Variants in SUPT3H observed in about 807,000 individuals in gnomAD.
SUPT3H encodes the protein SPT3 homolog, SAGA and STAGA complex component.
In SUPT3H, 44 loss-of-function variants were observed where a neutral mutation model predicts 44.3. The ratio of observed to expected loss-of-function variants is 0.99; its 90% confidence interval spans 0.78 to 1.28. The LOEUF (loss-of-function observed/expected upper bound fraction) is 1.28, where lower values mean the gene tolerates loss of function less well. SUPT3H is among the 50% of genes most tolerant of loss of function. The probability of loss-of-function intolerance (pLI) is 0.00; values close to 1 mark genes in which losing one functional copy is unlikely to be tolerated. For missense variants in SUPT3H, 380 were observed against 387.1 expected (o/e 0.98, Z 0.15); for synonymous variants, 124 against 125.6 (o/e 0.99, Z 0.09).
chr6:44,981,460 C>T (rs1391253464), intron 6 of SUPT3H, among the ~76,000 whole-genome samples: 2 of 152,198 alleles, frequency 1.3e-5, no homozygotes, highest in Non-Finnish European at 2.9e-5. Flanking sequence ...AATCCCAATA[C>T]ATTCTGTATA....
At chr6:45,128,551 TATATATACACACACAC>T (rs1369217152) in intron 2 of SUPT3H, among the ~76,000 whole-genome samples, 1 of 68,106 alleles carries the variant, frequency 1.5e-5, no homozygotes, top group East Asian at 3.5e-4. Flanking sequence ...TATATATATA[TATATATACACACACAC>T]ACACACACAC....
chr6:44,819,144 T>C (rs891356311), intron 11 of SUPT3H, among the ~76,000 whole-genome samples: 7 of 152,116 alleles, frequency 4.6e-5, no homozygotes, highest in Non-Finnish European at 1.5e-5. Flanking sequence ...AGCAATAACA[T>C]ATAATGAACT....
chr6:45,349,628 GA>G (rs2150180302), intron 2 of SUPT3H, among the ~76,000 whole-genome samples: 1 of 152,306 alleles, frequency 6.6e-6, no homozygotes, highest in East Asian at 1.9e-4. Context: ...CATTGCACTG[GA>G]AGATTCATTT....
intron 2 of SUPT3H, among the ~76,000 whole-genome samples, chr6:45,270,424 T>C (rs2153661536): frequency 6.6e-6 from 1 of 152,290 alleles, no homozygotes; most frequent in Admixed American, 6.5e-5. Flanking sequence ...GACTTTCCTA[T>C]GCTGTTCTCG....
At chr6:45,266,944 A>G (rs984059578) in intron 2 of SUPT3H, among the ~76,000 whole-genome samples, 1 of 152,154 alleles carries the variant, frequency 6.6e-6, no homozygotes, top group Admixed American at 6.6e-5. Context: ...CTCATGTGAC[A>G]GGTTACAGTT....
chr6:45,043,701 G>C (rs1788946935), intron 3 of SUPT3H, among the ~76,000 whole-genome samples: 1 of 151,806 alleles, frequency 6.6e-6, no homozygotes, highest in Non-Finnish European at 1.5e-5. Context: ...CATATTAAAG[G>C]CTGAAAAAAA....
chr6:45,166,577 T>A lies in SUPT3H; in HGVS notation c.102-60571A>T, dbSNP rs527999693. ...TCCAGCCTGGGCGACAGAGCAAGACTCCATCCAAAAAAAAAAAAAAAAAAA... is the reference window on the plus strand; with the variant it reads ...TCCAGCCTGGGCGACAGAGCAAGACACCATCCAAAAAAAAAAAAAAAAAAA... On this transcript the variant is annotated intron_variant, in intron 2 of 10. Coordinates refer to ENST00000371459, the MANE Select transcript of SUPT3H (RefSeq NM_003599.4). Among the ~76,000 whole-genome samples, 42 of 69,264 alleles carry A rather than the reference T, an allele frequency of 6.1e-4. No homozygotes were observed. In the East Asian group the frequency reaches 0.013, roughly 22 times the overall value. 45.4% of individuals were successfully genotyped at this position (69,264 alleles called of 152,430 possible).
intron 4 of SUPT3H, among the ~76,000 whole-genome samples, chr6:45,015,374 AC>A (rs1562263561): frequency 6.6e-6 from 1 of 152,134 alleles, no homozygotes; most frequent in African/African-American, 2.4e-5. Flanking sequence ...CATGTAAATG[AC>A]AAAAAATGAT....
At chr6:45,158,345 G>T in intron 2 of SUPT3H, among the ~76,000 whole-genome samples, 1 of 122,612 alleles carries the variant, frequency 8.2e-6, no homozygotes, top group Non-Finnish European at 1.6e-5. Context: ...TGTCACCCAA[G>T]CTGGAATGTA....
intron 5 of SUPT3H, among the ~76,000 whole-genome samples, chr6:45,005,722 A>C (rs1782626535): frequency 6.6e-6 from 1 of 151,656 alleles, no homozygotes; most frequent in Non-Finnish European, 1.5e-5. Context: ...AAAAAATTTA[A>C]TTTCTATATT....
At chr6:45,288,571 ATATATATATATG>A (rs1562882434) in intron 2 of SUPT3H, among the ~76,000 whole-genome samples, 506 of 34,516 alleles carry the variant, frequency 0.015, 5 homozygotes, top group African/African-American at 0.037. Flanking sequence ...ATATGTATAT[ATATATATATATG>A]TATATATATA....
intron 2 of SUPT3H, among the ~76,000 whole-genome samples, chr6:45,222,864 G>C (rs1243814575): frequency 6.6e-6 from 1 of 152,060 alleles, no homozygotes; most frequent in East Asian, 1.9e-4. Flanking sequence ...TATCAATAAA[G>C]AGCTAATAAC....
chr6:45,067,378 A>G (rs1463727449), intron 3 of SUPT3H, among the ~76,000 whole-genome samples: 1 of 124,354 alleles, frequency 8.0e-6, no homozygotes, highest in Admixed American at 8.7e-5. Flanking sequence ...AAACCTAGGC[A>G]TTACCCTTCA....
At chr6:44,968,605 G>T (rs979568560) in intron 6 of SUPT3H, among the ~76,000 whole-genome samples, 10 of 152,028 alleles carry the variant, frequency 6.6e-5, no homozygotes, top group African/African-American at 2.2e-4. Context: ...TTATTCCACT[G>T]CAAAAGTCAT....
intron 3 of SUPT3H, among the ~76,000 whole-genome samples, chr6:45,045,506 T>C (rs1399291342): frequency 6.6e-6 from 1 of 152,220 alleles, no homozygotes; most frequent in Non-Finnish European, 1.5e-5. Context: ...TTTTCTATCC[T>C]GAGACTGTGG....
chr6:44,982,695 CAGA>C (rs1293881097), intron 6 of SUPT3H, among the ~76,000 whole-genome samples: 2 of 152,260 alleles, frequency 1.3e-5, no homozygotes, highest in East Asian at 1.9e-4. Flanking sequence ...CTATCTTGCA[CAGA>C]AGAATTTTTT....
At chr6:45,328,820 G>C in intron 2 of SUPT3H, 1 of 1,596,084 alleles carries the variant, frequency 6.3e-7, no homozygotes. Flanking sequence ...TGTAAGATAT[G>C]AACCTGTTAA....
intron 3 of SUPT3H, among the ~76,000 whole-genome samples, chr6:45,052,167 T>C (rs1379882004): frequency 6.6e-6 from 1 of 152,204 alleles, no homozygotes; most frequent in Non-Finnish European, 1.5e-5. Flanking sequence ...AAAAGCTCTT[T>C]TGAAGAGAGT....
chr6:44,837,943 T>TC (rs1005197737), intron 10 of SUPT3H, among the ~76,000 whole-genome samples: 5 of 152,158 alleles, frequency 3.3e-5, no homozygotes, highest in African/African-American at 9.7e-5. Context: ...GCTATGGCCT[T>TC]CCCCCGCCTT....
Sources: gnomAD v4.1 joint callset for allele counts (sites outside exome capture counted in the v4.1 genomes callset) on GRCh38, gnomAD v4.1.1 for gene constraint, MANE v1.5 for transcripts, NCBI Gene and HGNC (gene_info 2026-07-23, HGNC 2026-07-21) for gene names.